The following RABGAP1L variants were observed in gnomAD, a reference collection of about 807,000 sequenced individuals.
The protein encoded by RABGAP1L is RAB GTPase activating protein 1 like.
RABGAP1L carries 63 observed loss-of-function variants against 137.7 expected under a neutral mutation model. The observed-to-expected ratio is 0.46, with a 90% confidence interval of 0.37 to 0.56. The LOEUF is 0.56. Among genes scored for constraint, RABGAP1L ranks in the 20% least tolerant of loss-of-function variants. The probability of loss-of-function intolerance (pLI) is 0.00; values close to 1 mark genes in which losing one functional copy is unlikely to be tolerated. For missense variants in RABGAP1L, 1,095 were observed against 1,244.0 expected, an observed-to-expected ratio of 0.88 and a Z score of 1.80; for synonymous variants, 431 against 433.7, an observed-to-expected ratio of 0.99 and a Z score of 0.08.
chr1:174,371,784 A>G (rs1685131796), intron 12 of RABGAP1L, among the ~76,000 whole-genome samples: 1 of 152,168 alleles, frequency 6.6e-6, no homozygotes, highest in Non-Finnish European at 1.5e-5. Flanking sequence ...AGGGGAGACT[A>G]CAAAGTCTGG....
rs367563449 is a variant in RABGAP1L, at chr1:174,603,578, C to A, written c.1711-33797C>A. On this transcript the variant is annotated intron_variant, in intron 13 of 25. Transcript: ENST00000681986. The stretch of plus-strand genomic sequence containing the variant: ...TCCACCTAAGCTGGCACCCCCACCA[C>A]AAGACAAAGTCTTTCCCACTCTTTT... Among the ~76,000 whole-genome samples the A allele has an allele frequency of 1.1e-4, 17 of 152,314 alleles. No homozygotes were observed. The East Asian group carries it at 2.7e-3, about 24-fold the overall frequency.
In RABGAP1L at chr1:174,373,831, C is replaced by T. The variant is rs571511174; in HGVS notation, c.1559+2759C>T. On this transcript the variant is annotated intron_variant, in intron 12 of 25. Transcript: ENST00000681986. ...AAGGGAGTTTGGGATATGTAGTCTG[C>T]AGATTCTCAGCCCTTACATCTTTGA... Among the ~76,000 whole-genome samples, 192 of 152,274 alleles carry T rather than the reference C, an allele frequency of 1.3e-3. No homozygotes were observed. In the South Asian group the frequency reaches 0.016, roughly 13 times the overall value.
At position 174,550,895 on chromosome 1, in the gene RABGAP1L, T is replaced by TATATAC. The variant is rs1456087584; in HGVS notation, c.1711-86479_1711-86478insTATACA. ...ATATATATATATATATATATATATATACACACACACATATACACACACACA... is the reference window on the plus strand; with the variant it reads ...ATATATATATATATATATATATATATATATACACACACACACATATACACACACACA... On this transcript the variant is annotated intron_variant, in intron 13 of 25. Transcript: ENST00000681986. 4.3e-3 allele frequency among the ~76,000 whole-genome samples: 220 copies of TATATAC among 50,872 alleles called. 2 individuals are homozygous for TATATAC. The highest frequency in any genetic ancestry group is 9.3e-3 in the Middle Eastern group (1 of 108). The allele number at this position is 50,872 out of a possible 152,430, so 33.4% of individuals were successfully genotyped here.
intron 17 of RABGAP1L, among the ~76,000 whole-genome samples, chr1:174,711,304 G>T (rs1287791982): frequency 6.6e-6 from 1 of 152,174 alleles, no homozygotes; most frequent in Non-Finnish European, 1.5e-5. Flanking sequence ...GCGGTGGGCT[G>T]AAGGGCTCCT....
intron 11 of RABGAP1L, among the ~76,000 whole-genome samples, chr1:174,347,341 C>T (rs1400853758): frequency 6.6e-6 from 1 of 152,078 alleles, no homozygotes; most frequent in East Asian, 1.9e-4. Flanking sequence ...TGCATTGGGG[C>T]TGATCTCTTT....
intron 18 of RABGAP1L, among the ~76,000 whole-genome samples, chr1:174,811,169 C>CT (rs1689835993): frequency 1.3e-5 from 2 of 152,076 alleles, no homozygotes; most frequent in African/African-American, 4.8e-5. Flanking sequence ...TCTTTTTAGT[C>CT]TTTTTTCTGT....
At chr1:174,941,558 G>A (rs1665874896) in intron 19 of RABGAP1L, among the ~76,000 whole-genome samples, 1 of 152,168 alleles carries the variant, frequency 6.6e-6, no homozygotes, top group South Asian at 2.1e-4. Context: ...CACTGTTCGG[G>A]CCTGTTGACT....
At chr1:174,842,904 G>A (rs1693570813) in intron 19 of RABGAP1L, among the ~76,000 whole-genome samples, 1 of 151,912 alleles carries the variant, frequency 6.6e-6, no homozygotes, top group Non-Finnish European at 1.5e-5. Flanking sequence ...GTTAAATCCA[G>A]AGAAATGTTA....
intron 19 of RABGAP1L, among the ~76,000 whole-genome samples, chr1:174,916,619 G>A (rs530130109): frequency 6.6e-6 from 1 of 152,292 alleles, no homozygotes; most frequent in African/African-American, 2.4e-5. Flanking sequence ...TTGTCTTTTA[G>A]TGTCAGTTTC....
At chr1:174,509,562 G>A (rs1446957035) in intron 13 of RABGAP1L, among the ~76,000 whole-genome samples, 1 of 151,972 alleles carries the variant, frequency 6.6e-6, no homozygotes. Flanking sequence ...CTTTCAATGA[G>A]TTGTCTCAGT....
chr1:174,349,941 C>T (rs548488540), intron 11 of RABGAP1L, among the ~76,000 whole-genome samples: 199 of 119,542 alleles, frequency 1.7e-3, no homozygotes, highest in Admixed American at 5.1e-3. Context: ...CCGGACGGGG[C>T]GGCTGGCCGG....
At chr1:174,875,607 T>C (rs61828120) in intron 19 of RABGAP1L, 1 of 985,346 alleles carries the variant, frequency 1.0e-6, no homozygotes, top group Non-Finnish European at 1.2e-6. Flanking sequence ...TGCTTTCACA[T>C]CTAGAAAATG....
chr1:174,406,367 AG>A (rs1216079596), intron 13 of RABGAP1L, among the ~76,000 whole-genome samples: 2 of 152,312 alleles, frequency 1.3e-5, no homozygotes, highest in Middle Eastern at 3.4e-3. Context: ...AATAGTTTTG[AG>A]GTAAATTAAG....
chr1:174,862,381 A>G (rs1471776176), intron 19 of RABGAP1L, among the ~76,000 whole-genome samples: 1 of 152,174 alleles, frequency 6.6e-6, no homozygotes, highest in Non-Finnish European at 1.5e-5. Flanking sequence ...TGTTAGAGAA[A>G]GGGATCTATG....
At chr1:174,462,360 A>G (rs1024385617) in intron 13 of RABGAP1L, among the ~76,000 whole-genome samples, 1 of 152,170 alleles carries the variant, frequency 6.6e-6, no homozygotes, top group Non-Finnish European at 1.5e-5. Context: ...TGCTTAATTT[A>G]TATTCCTTCT....
chr1:174,923,157 A>G (rs542714121), intron 19 of RABGAP1L, among the ~76,000 whole-genome samples: 6 of 152,120 alleles, frequency 3.9e-5, no homozygotes, highest in Admixed American at 1.3e-4. Context: ...GAAAAAAAAA[A>G]AAAAGTAGAG....
At chr1:174,431,357 G>A (rs1291641595) in intron 13 of RABGAP1L, among the ~76,000 whole-genome samples, 2 of 152,052 alleles carry the variant, frequency 1.3e-5, no homozygotes, top group Non-Finnish European at 2.9e-5. Flanking sequence ...TATAAAGCAG[G>A]AAAAGATCGT....
chr1:174,905,585 T>C (rs1658912120), intron 19 of RABGAP1L, among the ~76,000 whole-genome samples: 1 of 152,134 alleles, frequency 6.6e-6, no homozygotes, highest in Non-Finnish European at 1.5e-5. Flanking sequence ...GTGTGGTGGC[T>C]CATGCCTGTA....
chr1:174,210,115 G>A (rs781656211), intron 1 of RABGAP1L, among the ~76,000 whole-genome samples: 2 of 152,104 alleles, frequency 1.3e-5, no homozygotes, highest in Non-Finnish European at 2.9e-5. Flanking sequence ...TGCTAGGAAA[G>A]CCTTCCCAAG....
Sources: allele counts gnomAD v4.1 joint callset (sites outside exome capture counted in the v4.1 genomes callset), GRCh38; gene constraint gnomAD v4.1.1; transcripts MANE v1.5; gene names NCBI Gene and HGNC (gene_info 2026-07-23, HGNC 2026-07-21).